Variants in SDCCAG8 observed in about 807,000 individuals in gnomAD.
SDCCAG8 encodes the protein SHH signaling and ciliogenesis regulator SDCCAG8.
In SDCCAG8, 74 loss-of-function variants were observed where a neutral mutation model predicts 101.8. The ratio of observed to expected loss-of-function variants is 0.73; its 90% confidence interval spans 0.60 to 0.88. SDCCAG8 has a LOEUF of 0.88. Ranked by LOEUF, SDCCAG8 falls within the 40% of genes least tolerant of loss-of-function variation. The pLI, the probability that SDCCAG8 is intolerant of heterozygous loss-of-function variation, is 0.00. For synonymous variants in SDCCAG8, 281 were observed against 292.9 expected (o/e 0.96, Z 0.41); for missense variants, 787 against 822.6 (o/e 0.96, Z 0.53).
chr1:243,268,574 T>C (rs1447433295), intron 1 of SDCCAG8, among the ~76,000 whole-genome samples: 1 of 152,226 alleles, frequency 6.6e-6, no homozygotes, highest in Non-Finnish European at 1.5e-5. Context: ...AGTTGAGTAA[T>C]AGAATTTCAT....
intron 16 of SDCCAG8, among the ~76,000 whole-genome samples, chr1:243,478,356 A>T (rs1574283629): frequency 6.6e-6 from 1 of 152,168 alleles, no homozygotes; most frequent in Non-Finnish European, 1.5e-5. Flanking sequence ...GCTTCACCAT[A>T]ATGGGCTGAA....
intron 12 of SDCCAG8, among the ~76,000 whole-genome samples, chr1:243,364,124 C>A (rs569208323): frequency 1.3e-5 from 2 of 151,944 alleles, no homozygotes; most frequent in African/African-American, 2.4e-5. Context: ...TTTTTTCAAT[C>A]AGTTATGTCT....
rs144099881 is a variant in SDCCAG8, at chr1:243,304,485, A to G, written c.676-228A>G. Among the ~76,000 whole-genome samples, 173 of 152,294 alleles carry G rather than the reference A, an allele frequency of 1.1e-3. 1 individual carries two copies. Among genetic ancestry groups the G allele is most frequent in the African/African-American group, 4.0e-3 (168 of 41,576 alleles). On this transcript the variant is annotated intron_variant, in intron 6 of 17. Transcript: ENST00000366541. ...TTAGGGATAAGACCTGATATATGCA[A>G]TTTTGAAAGACAAAGAAAATCAATT... is the stretch of plus-strand genomic sequence containing the variant.
At chr1:243,313,397 TGAGATTGTTA>T (rs2072940649) in intron 8 of SDCCAG8, among the ~76,000 whole-genome samples, 1 of 152,224 alleles carries the variant, frequency 6.6e-6, no homozygotes, top group African/African-American at 2.4e-5. Flanking sequence ...AACACTTGGC[TGAGATTGTTA>T]AGGGACTTTC....
At chr1:243,428,197 G>C (rs972530384) in intron 16 of SDCCAG8, among the ~76,000 whole-genome samples, 1 of 152,176 alleles carries the variant, frequency 6.6e-6, no homozygotes, top group Non-Finnish European at 1.5e-5. Context: ...TCCATTTCCA[G>C]ATGGAGAACT....
chr1:243,266,449 C>G (rs1459256438), intron 1 of SDCCAG8, among the ~76,000 whole-genome samples: 1 of 151,862 alleles, frequency 6.6e-6, no homozygotes, highest in Non-Finnish European at 1.5e-5. Flanking sequence ...CCCCAGCAGC[C>G]AGGACCACAG....
chr1:243,456,102 G>A (rs1452082274), intron 16 of SDCCAG8, among the ~76,000 whole-genome samples: 1 of 152,078 alleles, frequency 6.6e-6, no homozygotes, highest in Non-Finnish European at 1.5e-5. Flanking sequence ...TAGTTTTCTG[G>A]ATCTTCCAAC....
chr1:243,373,304 C>T (rs2077412779), intron 12 of SDCCAG8, among the ~76,000 whole-genome samples: 1 of 152,054 alleles, frequency 6.6e-6, no homozygotes, highest in South Asian at 2.1e-4. Flanking sequence ...GATACCTGCC[C>T]TATATGTTTC....
chr1:243,296,256 A>G (rs957480743), intron 6 of SDCCAG8, among the ~76,000 whole-genome samples: 26 of 152,256 alleles, frequency 1.7e-4, no homozygotes, highest in African/African-American at 6.0e-4. Context: ...TCAGCCTCCC[A>G]AACTGCTGGG....
intron 1 of SDCCAG8, chr1:243,268,131 A>G: frequency 3.1e-6 from 2 of 651,932 alleles, no homozygotes; most frequent in South Asian, 3.5e-5. Context: ...GTCACACCAC[A>G]CTCCTGTTTC....
At chr1:243,389,556 G>T (rs2078568014) in intron 13 of SDCCAG8, among the ~76,000 whole-genome samples, 1 of 152,160 alleles carries the variant, frequency 6.6e-6, no homozygotes, top group African/African-American at 2.4e-5. Context: ...CAATTTTCAA[G>T]CGCATGATCA....
chr1:243,395,674 G>T (rs565618497), intron 13 of SDCCAG8, among the ~76,000 whole-genome samples: 2 of 152,012 alleles, frequency 1.3e-5, no homozygotes, highest in East Asian at 1.9e-4. Flanking sequence ...CTATCTTTTT[G>T]ATTTTGTTTC....
chr1:243,488,942 T>C, intron 16 of SDCCAG8, 72 bp from the exon 17 acceptor site: 1 of 1,610,358 alleles, frequency 6.2e-7, no homozygotes. Context: ...TTCCCTCAGA[T>C]ACACACAGCC....
At position 243,349,434 on chromosome 1, in the gene SDCCAG8, C is replaced by T. The variant is rs536004066; in HGVS notation, c.1473+5103C>T. Among the ~76,000 whole-genome samples, 12 of 152,330 alleles carry T rather than the reference C, an allele frequency of 7.9e-5. No homozygotes were observed. In the South Asian group the frequency reaches 1.7e-3, roughly 21 times the overall value. The stretch of plus-strand genomic sequence containing the variant: ...GTTGTGGTAGAGACCATATAGCCCA[C>T]AAAGCCTAAAATATTTACTGTCTGA... On this transcript the variant is annotated intron_variant, in intron 12 of 17. Coordinates refer to ENST00000366541, the MANE Select transcript of SDCCAG8 (RefSeq NM_006642.5).
chr1:243,341,193 T>A lies in SDCCAG8; in HGVS notation c.1356+20T>A. On this transcript the variant is annotated intron_variant, in intron 11 of 17. Transcript: ENST00000366541. ...ACAAAGGTACAGAAAGAGATTTTAGTGTAATCGTTACTTAAGGAAATATTT... is the reference window on the plus strand; with the variant it reads ...ACAAAGGTACAGAAAGAGATTTTAGAGTAATCGTTACTTAAGGAAATATTT... 6.2e-7 allele frequency: 1 copy of A among 1,613,252 alleles called. No homozygotes were observed. Among genetic ancestry groups the A allele is most frequent in the East Asian group, 2.2e-5 (1 of 44,866 alleles).
chr1:243,278,186 A>G (rs888605258), intron 4 of SDCCAG8, among the ~76,000 whole-genome samples: 2 of 152,164 alleles, frequency 1.3e-5, no homozygotes, highest in Non-Finnish European at 2.9e-5. Context: ...GGTTTTCCTC[A>G]AATAGATCTT....
chr1:243,300,804 T>C (rs1208929453), intron 6 of SDCCAG8, among the ~76,000 whole-genome samples: 1 of 152,204 alleles, frequency 6.6e-6, no homozygotes, highest in Non-Finnish European at 1.5e-5. Flanking sequence ...TATACTTCAC[T>C]AGAGCAATTT....
intron 12 of SDCCAG8, among the ~76,000 whole-genome samples, chr1:243,371,156 A>G: frequency 6.6e-6 from 1 of 152,126 alleles, no homozygotes; most frequent in East Asian, 1.9e-4. Context: ...TCTGGGTTGT[A>G]TCTTCTCCTT....
At chr1:243,396,366 T>TA (rs1166300105) in intron 13 of SDCCAG8, among the ~76,000 whole-genome samples, 1 of 152,200 alleles carries the variant, frequency 6.6e-6, no homozygotes, top group Non-Finnish European at 1.5e-5. Context: ...TATTTGAACA[T>TA]TAGTGAAACA....
Sources: allele counts gnomAD v4.1 joint callset (sites outside exome capture counted in the v4.1 genomes callset), GRCh38; gene constraint gnomAD v4.1.1; transcripts MANE v1.5; gene names NCBI Gene and HGNC (gene_info 2026-07-23, HGNC 2026-07-21).